Variants in CBFA2T3 observed in about 807,000 individuals in gnomAD.
The protein encoded by CBFA2T3 is CBFA2/RUNX1 partner transcriptional co-repressor 3.
Under a neutral mutation model 58.6 loss-of-function variants are expected in CBFA2T3, and 31 were observed. That is an observed-to-expected ratio of 0.53 (90% confidence interval 0.40 to 0.71). The LOEUF (loss-of-function observed/expected upper bound fraction) is 0.71, where lower values mean the gene tolerates loss of function less well. Ranked by LOEUF, CBFA2T3 falls within the 30% of genes least tolerant of loss-of-function variation. CBFA2T3 has a pLI of 0.00. For missense variants in CBFA2T3, 1,076 were observed against 963.1 expected (o/e 1.12, Z -1.55); for synonymous variants, 531 against 421.9 (o/e 1.26, Z -3.17).
At chr16:88,918,145 C>T (rs967884023) in intron 1 of CBFA2T3, among the ~76,000 whole-genome samples, 1 of 152,176 alleles carries the variant, frequency 6.6e-6, no homozygotes, top group African/African-American at 2.4e-5. Flanking sequence ...TGCAGGAAGC[C>T]CCTGGGACCC....
chr16:88,934,547 ACAGT>A (rs749115239), intron 1 of CBFA2T3, among the ~76,000 whole-genome samples: 290 of 152,336 alleles, frequency 1.9e-3, no homozygotes, highest in Non-Finnish European at 2.5e-3. Context: ...TTCCCTGTGC[ACAGT>A]GTGTGGTGCT....
At chr16:88,922,042 G>A (rs1970938650) in intron 1 of CBFA2T3, among the ~76,000 whole-genome samples, 1 of 152,244 alleles carries the variant, frequency 6.6e-6, no homozygotes, top group African/African-American at 2.4e-5. Context: ...CGTGAGCCCA[G>A]GGCTCTGATT....
At chr16:88,891,819 G>C in intron 5 of CBFA2T3, 63 bp downstream of exon 5, 2 of 1,148,856 alleles carry the variant, frequency 1.7e-6, no homozygotes, top group Middle Eastern at 2.5e-4. Context: ...ACGCTGGCAA[G>C]GAGTGGGATT....
At chr16:88,966,493 ATG>A (rs1282504494) in intron 1 of CBFA2T3, among the ~76,000 whole-genome samples, 1 of 151,380 alleles carries the variant, frequency 6.6e-6, no homozygotes, top group African/African-American at 2.5e-5. Context: ...CACCAAACCC[ATG>A]TCCAGACGAG....
intron 1 of CBFA2T3, among the ~76,000 whole-genome samples, chr16:88,968,771 G>A (rs1241428450): frequency 6.6e-6 from 1 of 152,206 alleles, no homozygotes; most frequent in African/African-American, 2.4e-5. Context: ...CCCTCCAGCG[G>A]GGACGCCTCT....
At chr16:88,882,497 G>A (rs1228919125) in intron 8 of CBFA2T3, among the ~76,000 whole-genome samples, 179 bp downstream of exon 8, 6 of 150,256 alleles carry the variant, frequency 4.0e-5, no homozygotes, top group African/African-American at 2.4e-5. Context: ...CTGCACGGGC[G>A]TGGCTGTGGC....
chr16:88,890,405 TG>T (rs1159971544), intron 5 of CBFA2T3, among the ~76,000 whole-genome samples: 1 of 152,188 alleles, frequency 6.6e-6, no homozygotes, highest in African/African-American at 2.4e-5. Context: ...AGGGGAGGCC[TG>T]GCCCAGCAGA....
chr16:88,969,981 C>G lies in CBFA2T3; in HGVS notation c.151+6676G>C, dbSNP rs146970804. Among the ~76,000 whole-genome samples the G allele has an allele frequency of 4.4e-3, 664 of 152,080 alleles. 6 individuals are homozygous for G. Among genetic ancestry groups the G allele is most frequent in the African/African-American group, 0.015 (636 of 41,436 alleles). ...TTCTCAGGAGGGCATGCCTTCTGGC[C>G]CCACTCCTCCCAGGGAGAAAGCCAC... On this transcript the variant is annotated intron_variant, in intron 1 of 11. Transcript: ENST00000268679.
chr16:88,908,805 G>A (rs896534234), intron 1 of CBFA2T3, among the ~76,000 whole-genome samples: 2 of 152,260 alleles, frequency 1.3e-5, no homozygotes, highest in Non-Finnish European at 2.9e-5. Flanking sequence ...TAACGCAGGT[G>A]ACCTGTCTTG....
At position 88,924,763 on chromosome 16, in the gene CBFA2T3, G is replaced by A. The variant is rs560632739; in HGVS notation, c.152-23107C>T. 2.6e-5 allele frequency among the ~76,000 whole-genome samples: 4 copies of A among 152,340 alleles called. No individual in the cohort carries two copies. The East Asian group carries it at 7.7e-4, about 29-fold the overall frequency. On this transcript the variant is annotated intron_variant, in intron 1 of 11. Coordinates refer to ENST00000268679, the MANE Select transcript of CBFA2T3 (RefSeq NM_005187.6). ...GGCCGGACGCGGCGGGGACAGCCAG[G>A]CACTGGGGGCCAAGCAGGTGCAGGA...
chr16:88,887,874 G>C (rs139962611), intron 5 of CBFA2T3, among the ~76,000 whole-genome samples: 2,212 of 152,294 alleles, frequency 0.015, 22 homozygotes, highest in East Asian at 0.024. Flanking sequence ...ACTGGTGTTT[G>C]CAATGACGGC....
At chr16:88,951,466 C>A (rs1475589370) in intron 1 of CBFA2T3, 5 of 378,860 alleles carry the variant, frequency 1.3e-5, no homozygotes, top group Middle Eastern at 3.9e-4. Context: ...TTGAATTTTC[C>A]TATAAGTATT....
chr16:88,965,114 T>TCCAC, intron 1 of CBFA2T3, among the ~76,000 whole-genome samples: 2 of 150,854 alleles, frequency 1.3e-5, no homozygotes, highest in African/African-American at 4.9e-5. Context: ...CATCCATCCA[T>TCCAC]CCATCCACCC....
chr16:88,928,437 C>T (rs1271899463), intron 1 of CBFA2T3, among the ~76,000 whole-genome samples: 1 of 152,224 alleles, frequency 6.6e-6, no homozygotes, highest in Non-Finnish European at 1.5e-5. Context: ...CAGGCGAGAC[C>T]CATGATCAAG....
chr16:88,941,857 G>T (rs1286699632), intron 1 of CBFA2T3: 1 of 131,406 alleles, frequency 7.6e-6, no homozygotes. Context: ...GAGTTGGGGG[G>T]TGTGGGGGGG....
At chr16:88,883,175 G>T in intron 7 of CBFA2T3, 1 of 270,916 alleles carries the variant, frequency 3.7e-6, no homozygotes, top group East Asian at 1.1e-4. Flanking sequence ...ACTAAGCGTG[G>T]CCTGAGGATG....
At chr16:88,935,948 G>A (rs1028149926) in intron 1 of CBFA2T3, among the ~76,000 whole-genome samples, 1 of 152,188 alleles carries the variant, frequency 6.6e-6, no homozygotes, top group African/African-American at 2.4e-5. Context: ...GTCGAATCCA[G>A]GTGGGGGCTC....
intron 11 of CBFA2T3, among the ~76,000 whole-genome samples, chr16:88,879,005 C>T (rs763227884): frequency 6.6e-5 from 10 of 152,232 alleles, no homozygotes; most frequent in Admixed American, 2.0e-4. Context: ...TTCCCAAGGC[C>T]GTGACCTCAG....
rs556343005 is a variant in CBFA2T3, at chr16:88,910,849, C to T, written c.152-9193G>A. On this transcript the variant is annotated intron_variant, in intron 1 of 11. Transcript: ENST00000268679. ...CAGTGGGTGTCCCCCCAAATCCCCT[C>T]GTATCCAGATGACCAGGAGGCGGCT... Among the ~76,000 whole-genome samples, 308 of 152,220 alleles carry T rather than the reference C, an allele frequency of 2.0e-3. 1 individual carries two copies. Among genetic ancestry groups the T allele is most frequent in the African/African-American group, 6.9e-3 (286 of 41,546 alleles).
Sources: gnomAD v4.1 joint callset for allele counts (sites outside exome capture counted in the v4.1 genomes callset) on GRCh38, gnomAD v4.1.1 for gene constraint, MANE v1.5 for transcripts, NCBI Gene and HGNC (gene_info 2026-07-23, HGNC 2026-07-21) for gene names.